The following NIPBL variants were observed in gnomAD, a reference collection of about 807,000 sequenced individuals.
NIPBL encodes NIPBL cohesin loading factor.
NIPBL carries 19 observed loss-of-function variants against 321.8 expected under a neutral mutation model. The ratio of observed to expected loss-of-function variants is 0.06; its 90% CI spans 0.04 to 0.09. The LOEUF (loss-of-function observed/expected upper bound fraction) is 0.09, where lower values mean the gene tolerates loss of function less well. Among genes scored for constraint, NIPBL ranks in the 10% least tolerant of loss-of-function variants. The pLI, the probability that NIPBL is intolerant of heterozygous loss-of-function variation, is 1.00. For synonymous variants in NIPBL, 1,106 were observed against 1,114.1 expected (o/e 0.99, Z 0.14); for missense variants, 2,210 against 3,327.0 (o/e 0.66, Z 8.26).
intron 6 of NIPBL, among the ~76,000 whole-genome samples, chr5:36,964,161 A>G (rs1337360061): frequency 6.6e-6 from 1 of 152,162 alleles, no homozygotes; most frequent in East Asian, 1.9e-4. Flanking sequence ...GTTATTCTAA[A>G]TAAAAAAATT....
intron 1 of NIPBL, among the ~76,000 whole-genome samples, chr5:36,914,868 C>G (rs1748338432): frequency 1.3e-5 from 2 of 151,996 alleles, no homozygotes; most frequent in South Asian, 4.1e-4. Flanking sequence ...ACTTGGAGAG[C>G]TTGTAGAGTT....
intron 30 of NIPBL, among the ~76,000 whole-genome samples, 176 bp from the exon 31 acceptor site, chr5:37,026,053 A>G (rs1750228713): frequency 6.6e-6 from 1 of 152,170 alleles, no homozygotes. Flanking sequence ...AAATTTTTAT[A>G]GTTTTGAGAA....
chr5:36,970,397 A>G (rs1742718600), intron 6 of NIPBL, among the ~76,000 whole-genome samples: 1 of 133,588 alleles, frequency 7.5e-6, no homozygotes, highest in African/African-American at 3.1e-5. Context: ...ATAAATAAAT[A>G]AAAGAATTTA....
chr5:36,954,241 T>G (rs969885101), intron 2 of NIPBL, among the ~76,000 whole-genome samples: 1 of 152,188 alleles, frequency 6.6e-6, no homozygotes, highest in African/African-American at 2.4e-5. Flanking sequence ...CATACTTTTC[T>G]TTGGATAGCA....
chr5:36,978,257 C>CT (rs1743733890), intron 9 of NIPBL, among the ~76,000 whole-genome samples: 1 of 151,734 alleles, frequency 6.6e-6, no homozygotes, highest in Non-Finnish European at 1.5e-5. Flanking sequence ...TCTGCAGCCT[C>CT]TGTTATTTTT....
chr5:36,890,172 A>T (rs1746211999), intron 1 of NIPBL, among the ~76,000 whole-genome samples: 1 of 152,118 alleles, frequency 6.6e-6, no homozygotes, highest in Non-Finnish European at 1.5e-5. Context: ...TAATTTATTC[A>T]TTCTATTCTT....
rs576532771 is a variant in NIPBL, at chr5:36,970,879, C to T, written c.614C>T (p.Ser205Leu). Residue 205 changes from serine to leucine, a missense_variant, in exon 7 of 47, where the codon TCG (serine) becomes TTG (leucine). This residue lies in a region of NIPBL where 464 missense variants were observed against 529.5 expected (regional missense o/e 0.88). Transcript: ENST00000282516. ...YTTHPQMQQA[S>L]VSSPIVAGGL... ...TTTTTATTCTTATTAATTTCAGCAT[C>T]GGTATCAAGTCCCATTGTTGCAGGT... The T allele has an allele frequency of 2.7e-5, 43 of 1,612,448 alleles. 1 individual carries two copies. Among genetic ancestry groups the T allele is most frequent in the Admixed American group, 2.3e-4 (14 of 60,006 alleles).
In NIPBL at chr5:36,962,318, T is replaced by G. The variant is rs779265195; in HGVS notation, c.610+44T>G. On this transcript the variant is annotated intron_variant, in intron 6 of 46. Coordinates refer to ENST00000282516, the MANE Select transcript of NIPBL (RefSeq NM_133433.4). ...ACTTCACTGGGAATGTCTAAGTGCT[T>G]TAATTCCAAGCAAATTTGTTTTTTA... 2.5e-6 allele frequency: 4 copies of G among 1,603,870 alleles called. No homozygotes were observed. In the Admixed American group the frequency reaches 6.7e-5, roughly 27 times the overall value.
rs1449574194 is a variant in NIPBL, at chr5:36,876,990, G to A, written c.-268G>A. On this transcript the variant is annotated 5_prime_UTR_variant, in exon 1 of 47. Coordinates refer to ENST00000282516, the MANE Select transcript of NIPBL (RefSeq NM_133433.4). ...GGTGTTTGTGAGTGTTTCTATGTGGGAGAAGGAGGAGGAGGAGGAAGAAGA... is the reference window on the plus strand; with the variant it reads ...GGTGTTTGTGAGTGTTTCTATGTGGAAGAAGGAGGAGGAGGAGGAAGAAGA... 2.5e-5 allele frequency: 10 copies of A among 393,318 alleles called. No homozygotes were observed. The highest frequency in any genetic ancestry group is 1.5e-4 in the East Asian group (4 of 27,562). 24.4% of individuals were successfully genotyped at this position (393,318 alleles called of 1,614,324 possible). A position where few individuals can be genotyped will look rare whatever the true frequency, so the allele number is the denominator to read the frequency against.
At chr5:36,974,466 GT>G (rs1332529181) in intron 8 of NIPBL, among the ~76,000 whole-genome samples, 1 of 152,100 alleles carries the variant, frequency 6.6e-6, no homozygotes, top group Non-Finnish European at 1.5e-5. Context: ...GACAAATCTT[GT>G]TTTAAATCTT....
intron 1 of NIPBL, among the ~76,000 whole-genome samples, chr5:36,932,193 A>G (rs773795712): frequency 8.5e-5 from 13 of 152,200 alleles, no homozygotes; most frequent in Non-Finnish European, 1.6e-4. Flanking sequence ...ATGTTCTTGT[A>G]TGCTTAAAAG....
chr5:37,002,544 T>C, intron 14 of NIPBL, 118 bp from the exon 15 acceptor site: 1 of 719,104 alleles, frequency 1.4e-6, no homozygotes, highest in Non-Finnish European at 2.5e-6. Context: ...TATAGAGGCG[T>C]CTTAGGTTAT....
chr5:37,041,258 T>TTG (rs1561200156), intron 34 of NIPBL, among the ~76,000 whole-genome samples: 1 of 119,358 alleles, frequency 8.4e-6, no homozygotes, highest in African/African-American at 3.6e-5. Flanking sequence ...GGTGGTTTTT[T>TTG]TTTTTTTTTT....
chr5:37,024,743 A>G (rs1750058979), intron 30 of NIPBL, 24 bp downstream of exon 30: 5 of 1,581,508 alleles, frequency 3.2e-6, no homozygotes, highest in East Asian at 2.3e-5. Flanking sequence ...TTTTAAATTT[A>G]TTTTTCATTA....
At position 37,036,465 on chromosome 5, in the gene NIPBL, TA is replaced by T; in HGVS notation, c.5952del (p.Lys1984AsnfsTer6). 6.9e-7 allele frequency: 1 copy of T among 1,448,178 alleles called. No homozygotes were observed. The highest frequency in any genetic ancestry group is 9.3e-7 in the Non-Finnish European group (1 of 1,080,158). 89.7% of individuals were successfully genotyped at this position (1,448,178 alleles called of 1,614,324 possible). On this transcript the variant is annotated frameshift_variant, in exon 33 of 47. Transcript: ENST00000282516. LOFTEE classifies it high-confidence loss of function. The stretch of plus-strand genomic sequence containing the variant: ...TTGATAACCTAGTTGAGCACATTCT[TA>T]AATATGAGGAATCTCTAGCTGGTAA... ...LVDNLVEHILKYEESLADSDN... is the reference protein window; with the variant it reads ...LVDNLVEHILXYEESLADSDN...
chr5:37,044,571 A>T (rs1752780510), intron 35 of NIPBL, 65 bp from the exon 36 acceptor site: 2 of 1,575,314 alleles, frequency 1.3e-6, no homozygotes, highest in South Asian at 1.2e-5. Context: ...AAATATTTGT[A>T]AAAAGCTAAG....
intron 39 of NIPBL, 141 bp from the exon 40 acceptor site, chr5:37,048,970 C>T: frequency 1.2e-6 from 1 of 839,974 alleles, no homozygotes; most frequent in Non-Finnish European, 2.0e-6. Flanking sequence ...CACACACACA[C>T]TCACACACAG....
Position 36,995,671 on chromosome 5 carries a change from A to G in NIPBL, c.3171A>G (p.Ala1057=). The change falls in exon 11 of 47, where the codon GCA becomes GCG. Residue 1057 remains alanine (A), a synonymous_variant. Transcript: ENST00000282516. ...AAGAATTACCCCCTGAACTCCTGGC[A>G]GAAATTGAGTCCACCATGCCACTTT... The part of the protein sequence containing the change: ...VLKELPPELL[A]EIESTMPLCE... The G allele has an allele frequency of 6.2e-7, 1 of 1,613,728 alleles. No homozygotes were observed. The highest frequency in any genetic ancestry group is 8.5e-7 in the Non-Finnish European group (1 of 1,179,734).
chr5:37,061,120 T>C (rs1386489516), intron 45 of NIPBL, 102 bp downstream of exon 45: 1 of 822,078 alleles, frequency 1.2e-6, no homozygotes, highest in South Asian at 1.5e-5. Context: ...ACATTGAATA[T>C]AAGCTTCATG....
Sources: allele counts gnomAD v4.1 joint callset (sites outside exome capture counted in the v4.1 genomes callset), GRCh38; gene constraint gnomAD v4.1.1; regional missense constraint gnomAD v4.1.1; transcripts MANE v1.5; gene names NCBI Gene and HGNC (gene_info 2026-07-23, HGNC 2026-07-21).